The following GNG7 variants were observed in gnomAD, a reference collection of about 807,000 sequenced individuals.
The protein encoded by GNG7 is guanine nucleotide-binding protein G(I)/G(S)/G(O) subunit gamma-7.
GNG7 carries 1 observed loss-of-function variant against 4.0 expected under a neutral mutation model. The ratio of observed to expected loss-of-function variants is 0.25; its 90% CI spans 0.09 to 1.18. The LOEUF (loss-of-function observed/expected upper bound fraction) is 1.18, where lower values mean the gene tolerates loss of function less well. Ranked by LOEUF, GNG7 falls within the 50% of genes most tolerant of loss-of-function variation. The probability of loss-of-function intolerance (pLI) is 0.50; values close to 1 mark genes in which losing one functional copy is unlikely to be tolerated. For synonymous variants in GNG7, 34 were observed against 36.9 expected (o/e 0.92, Z 0.29); for missense variants, 86 against 91.9 (o/e 0.94, Z 0.26).
chr19:2,646,287 A>G lies in GNG7; in HGVS notation c.-134-7T>C, dbSNP rs1051114899. 6.6e-6 allele frequency: 1 copy of G among 152,114 alleles called. No homozygotes were observed. The highest frequency in any genetic ancestry group is 1.5e-5 in the Non-Finnish European group (1 of 68,038). The allele number at this position is 152,114 out of a possible 1,614,324, so 9.4% of individuals were successfully genotyped here. ...CGAAACCAAGCTCCACTCCCTGGAA[A>G]AAACACATAGAGTTAGTTTGGCGTG... On this transcript the variant is annotated splice_region_variant and splice_polypyrimidine_tract_variant and intron_variant, in intron 1 of 4. Transcript: ENST00000382159.
rs1982214539 is a variant in GNG7 at position 2,633,442 on chromosome 19, T to C, written c.-78+12782A>G. Among the ~76,000 whole-genome samples, 1 of 151,822 alleles carries C rather than the reference T, an allele frequency of 6.6e-6. No homozygotes were observed. Among genetic ancestry groups the C allele is most frequent in the Non-Finnish European group, 1.5e-5 (1 of 67,970 alleles). On this transcript the variant is annotated intron_variant, in intron 2 of 4. Coordinates refer to ENST00000382159, the MANE Select transcript of GNG7 (RefSeq NM_052847.3). This position sits in a 1 kb window ranked among gnomAD's most constrained non-coding sequence, Gnocchi z 5.9. ...CCTCATCCCTCGTTCTGTGGGAGGC[T>C]GACTGTTCAAGCGGTTGCTTAGCAA...
At chr19:2,672,909 A>G (rs1019019504) in intron 1 of GNG7, among the ~76,000 whole-genome samples, 2 of 152,104 alleles carry the variant, frequency 1.3e-5, no homozygotes, top group African/African-American at 4.8e-5. Context: ...AGCAAACATC[A>G]TGGAAACTCA....
intron 3 of GNG7, chr19:2,538,783 T>C (rs1383177468): frequency 2.5e-6 from 1 of 404,276 alleles, no homozygotes; most frequent in South Asian, 1.9e-5. Context: ...TTTTCTTTTT[T>C]TTTGAGACGG....
Position 2,540,474 on chromosome 19 carries a change from C to T in GNG7, c.-38+14675G>A, listed in dbSNP as rs147092105. ...CCTGTGCTCTAAGACTGATTCTTGC[C>T]GGGACCCTTAGCCCGACGGCGTGCC... On this transcript the variant is annotated intron_variant, in intron 3 of 4. Coordinates refer to ENST00000382159, the MANE Select transcript of GNG7 (RefSeq NM_052847.3). 7.0e-3 allele frequency among the ~76,000 whole-genome samples: 1,062 copies of T among 152,268 alleles called. 3 individuals carry two copies. Among genetic ancestry groups the T allele is most frequent in the Middle Eastern group, 0.024 (7 of 294 alleles).
Position 2,515,152 on chromosome 19 carries a change from G to A in GNG7, c.82-5C>T. The A allele has an allele frequency of 1.9e-6, 3 of 1,613,722 alleles. No homozygotes were observed. The highest frequency in any genetic ancestry group is 2.5e-6 in the Non-Finnish European group (3 of 1,179,964). On this transcript the variant is annotated splice_region_variant and splice_polypyrimidine_tract_variant and intron_variant, in intron 4 of 4. Transcript: ENST00000382159. ...GTCAGACGCCGCTTTGGAGACCTGT[G>A]TTTGAGCACAAGGAGGAGACAGAGG...
intron 2 of GNG7, among the ~76,000 whole-genome samples, chr19:2,623,926 T>C (rs1981946067): frequency 6.6e-6 from 1 of 152,112 alleles, no homozygotes; most frequent in Non-Finnish European, 1.5e-5. Flanking sequence ...AGGAGGTCCC[T>C]AGAGCCGTCA....
At chr19:2,603,096 C>T (rs1044806596) in intron 2 of GNG7, among the ~76,000 whole-genome samples, 11 of 150,018 alleles carry the variant, frequency 7.3e-5, no homozygotes, top group East Asian at 4.0e-4. Flanking sequence ...GATGGAGTTT[C>T]GCTCTTGTTG....
intron 2 of GNG7, among the ~76,000 whole-genome samples, chr19:2,581,502 T>G (rs1980505397): frequency 6.6e-6 from 1 of 151,950 alleles, no homozygotes; most frequent in African/African-American, 2.4e-5. Flanking sequence ...CCCTCCCTGG[T>G]CCCTGGTGTT....
At chr19:2,554,703 T>TG (rs1979494138) in intron 3 of GNG7, among the ~76,000 whole-genome samples, 1 of 151,774 alleles carries the variant, frequency 6.6e-6, no homozygotes, top group South Asian at 2.1e-4. Context: ...TACAGGCACC[T>TG]GCCACCATGC....
At chr19:2,569,594 C>G (rs528884271) in intron 2 of GNG7, among the ~76,000 whole-genome samples, 48 of 152,236 alleles carry the variant, frequency 3.2e-4, no homozygotes, top group Admixed American at 7.2e-4. Flanking sequence ...CATTCTTAAA[C>G]AAAAAGTGTG....
chr19:2,574,607 A>G (rs768395712), intron 2 of GNG7, among the ~76,000 whole-genome samples: 8 of 152,122 alleles, frequency 5.3e-5, no homozygotes, highest in Non-Finnish European at 1.2e-4. Context: ...TGGTTGGACC[A>G]TGCTGTGTTT....
At chr19:2,515,433 C>CT (rs57325291) in intron 4 of GNG7, among the ~76,000 whole-genome samples, 65 of 147,930 alleles carry the variant, frequency 4.4e-4, no homozygotes, top group Non-Finnish European at 8.4e-4. Flanking sequence ...CCATTTCTTT[C>CT]TTTTTTTTTT....
At chr19:2,677,456 G>A (rs1323561261) in intron 1 of GNG7, among the ~76,000 whole-genome samples, 6 of 151,994 alleles carry the variant, frequency 3.9e-5, no homozygotes, top group South Asian at 2.1e-4. Flanking sequence ...CCCAGAGAAC[G>A]ACCCAGCCCT....
intron 1 of GNG7, among the ~76,000 whole-genome samples, chr19:2,688,229 G>C (rs1913048060): frequency 6.6e-6 from 1 of 152,240 alleles, no homozygotes; most frequent in South Asian, 2.1e-4. Flanking sequence ...CTCCAGCCTG[G>C]GCGACAGAGC....
chr19:2,533,179 AT>A (rs1177333310), intron 3 of GNG7, among the ~76,000 whole-genome samples: 6 of 150,610 alleles, frequency 4.0e-5, no homozygotes, highest in South Asian at 2.1e-4. Context: ...TTCTAAAAAA[AT>A]AAAAGATAAT....
intron 1 of GNG7, among the ~76,000 whole-genome samples, chr19:2,655,838 GAAA>G (rs56041767): frequency 0.022 from 1,181 of 54,720 alleles, 37 homozygotes; most frequent in African/African-American, 0.082. Context: ...GGCTCCGTCT[GAAA>G]AAAAAAAAAA....
At chr19:2,670,354 C>T (rs1005479901) in intron 1 of GNG7, among the ~76,000 whole-genome samples, 5 of 152,194 alleles carry the variant, frequency 3.3e-5, no homozygotes, top group Admixed American at 6.5e-5. Context: ...CTGAGGCCCC[C>T]GCGGGAGCCG....
intron 2 of GNG7, among the ~76,000 whole-genome samples, chr19:2,596,393 C>T (rs73526828): frequency 0.064 from 9,725 of 151,522 alleles, 1,026 homozygotes; most frequent in African/African-American, 0.22. Flanking sequence ...GCAGGCCCAG[C>T]GCGGGGCTCA....
intron 2 of GNG7, among the ~76,000 whole-genome samples, chr19:2,636,779 G>C (rs1416418030): frequency 6.6e-6 from 1 of 152,090 alleles, no homozygotes; most frequent in Non-Finnish European, 1.5e-5. Flanking sequence ...AACCAGGAAG[G>C]TATCAAGCAA....
Sources: allele counts gnomAD v4.1 joint callset (sites outside exome capture counted in the v4.1 genomes callset), GRCh38; gene constraint gnomAD v4.1.1; non-coding constraint Gnocchi (gnomAD v3.1); transcripts MANE v1.5; gene names NCBI Gene and HGNC (gene_info 2026-07-23, HGNC 2026-07-21).